CSPG4: variants seen among roughly 807,000 people sequenced by gnomAD.
CSPG4 encodes chondroitin sulfate proteoglycan 4, also known as chondroitin sulfate proteoglycan 4 (melanoma-associated).
In CSPG4, 74 loss-of-function variants were observed where a neutral mutation model predicts 139.3. The ratio of observed to expected loss-of-function variants is 0.53; its 90% confidence interval spans 0.44 to 0.64. The LOEUF (loss-of-function observed/expected upper bound fraction) is 0.64. CSPG4 is among the 30% of genes least tolerant of loss of function. CSPG4 has a pLI of 0.00. For synonymous variants in CSPG4, 1,234 were observed against 1,394.2 expected (o/e 0.89, Z 2.56); for missense variants, 2,565 against 3,148.3 (o/e 0.81, Z 4.43).
At chr15:75,685,968 G>A (rs1894052275) in intron 3 of CSPG4, among the ~76,000 whole-genome samples, 1 of 152,138 alleles carries the variant, frequency 6.6e-6, no homozygotes, top group Admixed American at 6.5e-5. Context: ...GTTCCTTGAA[G>A]CCTCAACTTC....
intron 1 of CSPG4, among the ~76,000 whole-genome samples, chr15:75,701,436 G>A (rs1894300003): frequency 6.6e-6 from 1 of 152,204 alleles, no homozygotes; most frequent in Non-Finnish European, 1.5e-5. Flanking sequence ...GGAAACCTCA[G>A]TGTCCTTGCT....
chr15:75,709,348 G>A (rs190099520), intron 1 of CSPG4, among the ~76,000 whole-genome samples: 380 of 152,234 alleles, frequency 2.5e-3, no homozygotes, highest in African/African-American at 8.0e-3. Flanking sequence ...TGGATGGGGC[G>A]GGAGTCAGGG....
intron 1 of CSPG4, among the ~76,000 whole-genome samples, chr15:75,701,593 CT>C (rs796792746): frequency 4.7e-4 from 72 of 152,114 alleles, no homozygotes; most frequent in African/African-American, 1.1e-3. Context: ...TGGGCCCCCC[CT>C]GGAGCTGTGC....
chr15:75,706,731 G>A (rs1435038502), intron 1 of CSPG4, among the ~76,000 whole-genome samples: 1 of 152,262 alleles, frequency 6.6e-6, no homozygotes, highest in Admixed American at 6.5e-5. Context: ...AGGTGCCAGC[G>A]GTTGTGGATT....
chr15:75,707,104 T>C (rs536019874), intron 1 of CSPG4, among the ~76,000 whole-genome samples: 13 of 152,070 alleles, frequency 8.5e-5, no homozygotes, highest in Admixed American at 4.6e-4. Context: ...ATTACAGGTG[T>C]CGCCAGCACG....
rs751759210 is a variant in CSPG4 at position 75,690,255 on chromosome 15, G to A, written c.810C>T (p.Thr270=). The change falls in exon 3 of 10, where the codon ACC becomes ACT. Residue 270 remains threonine (T), a synonymous_variant. Transcript: ENST00000308508. ...LRAVVEKGQG[T]VLLHNSVPVA... is the part of the protein sequence containing the mutation. Reference sequence around the variant, plus strand: ...CAGGCACACTGTTGTGGAGCAATACGGTACCCTGGCCCTTCTCCACCACGG... The same window carrying A: ...CAGGCACACTGTTGTGGAGCAATACAGTACCCTGGCCCTTCTCCACCACGG... The A allele has an allele frequency of 1.5e-5, 24 of 1,612,754 alleles. 1 individual carries two copies. The highest frequency in any genetic ancestry group is 2.2e-5 in the East Asian group (1 of 44,842).
In CSPG4 at chr15:75,682,324, C is replaced by T; in HGVS notation, c.4919G>A (p.Gly1640Glu). ...CTGAGTGAAGTTCACCAGGGCCTCC[C>T]CTGTGCTGTCCTGCTGGGCGTGGAA... ...RLFHAQQDST[G>E]EALVNFTQAE... The change falls in exon 8 of 10, where the codon GGG becomes GAG. Residue 1640 changes from glycine to glutamate, a missense_variant. Coordinates refer to ENST00000308508, the MANE Select transcript of CSPG4 (RefSeq NM_001897.5). 6.3e-7 allele frequency: 1 copy of T among 1,596,710 alleles called. No individual in the cohort carries two copies. Among genetic ancestry groups the T allele is most frequent in the East Asian group, 2.2e-5 (1 of 44,866 alleles).
chr15:75,697,243 G>A (rs1261556999), intron 1 of CSPG4, among the ~76,000 whole-genome samples: 1 of 152,130 alleles, frequency 6.6e-6, no homozygotes, highest in Non-Finnish European at 1.5e-5. Flanking sequence ...CTCTGCCTCT[G>A]CTCCCCCTGG....
intron 4 of CSPG4, 98 bp downstream of exon 4, chr15:75,685,121 C>T (rs1894035299): frequency 6.8e-7 from 1 of 1,460,666 alleles, no homozygotes; most frequent in Middle Eastern, 2.6e-4. Context: ...TCCCCGTCTC[C>T]TCTCTGTGTA....
chr15:75,688,499 G>A lies in CSPG4; in HGVS notation c.2566C>T (p.Arg856Trp), dbSNP rs758868185. Residue 856 changes from arginine (R) to tryptophan (W), a missense_variant, in exon 3 of 10, where the codon CGG becomes TGG. By Grantham distance (101) the Arg-to-Trp change is moderately radical. Transcript: ENST00000308508. The part of the protein sequence containing the change: ...GFTQDDIQAG[R>W]VTYGATARAS... ...CGTGCTGTGGCCCCATAGGTCACCC[G>A]GCCAGCCTGTATGTCATCCTGGGTG... 12 of 1,613,214 alleles carry A rather than the reference G, an allele frequency of 7.4e-6. No individual in the cohort carries two copies. The East Asian group carries it at 1.3e-4, about 18-fold the overall frequency.
intron 9 of CSPG4, 135 bp from the exon 10 acceptor site, chr15:75,677,519 G>T: frequency 8.2e-7 from 1 of 1,213,970 alleles, no homozygotes; most frequent in Admixed American, 2.8e-5. Context: ...GGGGCTCAGG[G>T]TTCCCAGGAG....
At chr15:75,705,513 C>T (rs1475242574) in intron 1 of CSPG4, among the ~76,000 whole-genome samples, 3 of 152,252 alleles carry the variant, frequency 2.0e-5, no homozygotes, top group African/African-American at 4.8e-5. Context: ...TTAATCCTTA[C>T]AACACGTAAG....
In CSPG4 at chr15:75,677,086, G is replaced by A. The variant is rs1893904949; in HGVS notation, c.5433C>T (p.Ser1811=). 10 of 1,417,804 alleles carry A rather than the reference G, an allele frequency of 7.1e-6. No homozygotes were observed. Among genetic ancestry groups the A allele is most frequent in the African/African-American group, 2.9e-5 (2 of 68,934 alleles). The allele number at this position is 1,417,804 out of a possible 1,614,324, so 87.8% of individuals were successfully genotyped here. A position where few individuals can be genotyped will look rare whatever the true frequency, so the allele number is the denominator to read the frequency against. ...CCTCTGAGGTTTGGGGTCCAGCCAC[G>A]GAGGCCCCTGCTGGCCCCTGGAGGT... ...RAHLQGPAGA[S]VAGPQTSEAF... The change falls in exon 10 of 10, where the codon TCC becomes TCT. Residue 1811 remains serine (S), a synonymous_variant. Coordinates refer to ENST00000308508, the MANE Select transcript of CSPG4 (RefSeq NM_001897.5).
chr15:75,712,864 G>T, upstream of CSPG4: 1 of 918,130 alleles, frequency 1.1e-6, no homozygotes, highest in Non-Finnish European at 1.5e-6. Flanking sequence ...GGCTCCGGGT[G>T]TCCGCGCACT....
Position 75,676,702 on chromosome 15 carries a change from T to C in CSPG4, c.5817A>G (p.Pro1939=), listed in dbSNP as rs2141420452. 2 of 1,589,146 alleles carry C rather than the reference T, an allele frequency of 1.3e-6. No homozygotes were observed. Among genetic ancestry groups the C allele is most frequent in the African/African-American group, 1.3e-5 (1 of 74,496 alleles). The change falls in exon 10 of 10, where the codon CCA becomes CCG. Residue 1939 remains proline (P), a synonymous_variant. Coordinates refer to ENST00000308508, the MANE Select transcript of CSPG4 (RefSeq NM_001897.5). The stretch of plus-strand genomic sequence containing the variant: ...CCCGCAGCTGCACCTCGATGGCGGA[T>C]GGTAGGATGTCCACAGCCAGGGACA... The part of the protein sequence containing the change: ...LPMSLAVDIL[P]SAIEVQLRAP...
At chr15:75,684,599 T>G in intron 5 of CSPG4, 137 bp downstream of exon 5, 2 of 760,004 alleles carry the variant, frequency 2.6e-6, no homozygotes, top group Non-Finnish European at 4.2e-6. Context: ...AACAACCCCG[T>G]GAGGCATGTG....
chr15:75,677,139 G>C lies in CSPG4; in HGVS notation c.5380C>G (p.Gln1794Glu), dbSNP rs1893905560. ...LVYAHGGGGT[Q>E]QDGFHFRAHL... ...GCACGAAAGTGGAAGCCATCCTGCT[G>C]GGTGCCCCCACCGCCGTGGGCATAC... Residue 1794 changes from glutamine (Q) to glutamate (E), a missense_variant, in exon 10 of 10, where the codon CAG becomes GAG. Transcript: ENST00000308508. The C allele has an allele frequency of 7.0e-7, 1 of 1,422,906 alleles. No homozygotes were observed. The allele number at this position is 1,422,906 out of a possible 1,614,324, so 88.1% of individuals were successfully genotyped here.
intron 5 of CSPG4, among the ~76,000 whole-genome samples, chr15:75,683,903 A>G (rs1596007174): frequency 6.6e-6 from 1 of 152,140 alleles, no homozygotes. Context: ...AGATGGCACC[A>G]CCTGGTGGCT....
intron 1 of CSPG4, among the ~76,000 whole-genome samples, chr15:75,704,743 A>C (rs928826618): frequency 2.6e-5 from 4 of 152,096 alleles, no homozygotes; most frequent in African/African-American, 9.7e-5. Flanking sequence ...CTCTGAGCTC[A>C]CATACACCCA....
Sources: gnomAD v4.1 joint callset for allele counts (sites outside exome capture counted in the v4.1 genomes callset) on GRCh38, gnomAD v4.1.1 for gene constraint, MANE v1.5 for transcripts, NCBI Gene and HGNC (gene_info 2026-07-23, HGNC 2026-07-21) for gene names.